The following CYP19A1 variants were observed in gnomAD, a reference collection of about 807,000 sequenced individuals.
CYP19A1 encodes the protein cytochrome P450 family 19 subfamily A member 1.
A neutral mutation model predicts 44.4 loss-of-function variants in CYP19A1; 32 were observed. The ratio of observed to expected loss-of-function variants is 0.72; its 90% CI spans 0.54 to 0.97. CYP19A1 has a LOEUF of 0.97. CYP19A1 is among the 50% of genes least tolerant of loss of function. The pLI is 0.00. For synonymous variants in CYP19A1, 212 were observed against 215.6 expected (o/e 0.98, Z 0.14); for missense variants, 598 against 637.8 (o/e 0.94, Z 0.67).
rs1356666512 is a variant in CYP19A1 at position 51,223,593 on chromosome 15, T to TCTCA, written c.452-1069_452-1068insTGAG. Reference sequence around the variant, plus strand: ...CTTGCTCTCTCTCTCTCTCTCTCTCTCACACACACACACACACACACACAC... The same window carrying TCTCA: ...CTTGCTCTCTCTCTCTCTCTCTCTCTCTCACACACACACACACACACACACACAC... On this transcript the variant is annotated intron_variant, in intron 4 of 9. Transcript: ENST00000396402. Among the ~76,000 whole-genome samples, 626 of 90,206 alleles carry TCTCA rather than the reference T, an allele frequency of 6.9e-3. 12 individuals are homozygous for TCTCA. Among genetic ancestry groups the TCTCA allele is most frequent in the South Asian group, 0.034 (60 of 1,772 alleles). The allele number at this position is 90,206 out of a possible 152,430, so 59.2% of individuals were successfully genotyped here.
intron 1 of CYP19A1, among the ~76,000 whole-genome samples, chr15:51,261,216 C>T (rs1038152585): frequency 2.0e-5 from 3 of 152,170 alleles, no homozygotes; most frequent in Admixed American, 1.3e-4. Context: ...TAACACTCAC[C>T]GCATGGCCCA....
At chr15:51,314,384 C>T (rs1305810339) in intron 1 of CYP19A1, among the ~76,000 whole-genome samples, 1 of 152,162 alleles carries the variant, frequency 6.6e-6, no homozygotes, top group Non-Finnish European at 1.5e-5. Context: ...TGTGGAGTCT[C>T]AGGCATGTTG....
chr15:51,224,017 T>C (rs893264298), intron 4 of CYP19A1, among the ~76,000 whole-genome samples: 18 of 152,324 alleles, frequency 1.2e-4, no homozygotes, highest in Admixed American at 3.9e-4. Flanking sequence ...GTAGATATGA[T>C]TTAATTTTTA....
chr15:51,289,901 G>C (rs2035803700), intron 1 of CYP19A1, among the ~76,000 whole-genome samples: 1 of 152,164 alleles, frequency 6.6e-6, no homozygotes, highest in East Asian at 1.9e-4. Flanking sequence ...TCCCAGCAGA[G>C]GCTGGTGAGG....
At chr15:51,258,382 T>C (rs1378920821) in intron 1 of CYP19A1, among the ~76,000 whole-genome samples, 2 of 152,234 alleles carry the variant, frequency 1.3e-5, no homozygotes, top group East Asian at 1.9e-4. Context: ...TATGACTACA[T>C]TTGGCATTTG....
chr15:51,244,710 C>G (rs1348481438), intron 1 of CYP19A1, among the ~76,000 whole-genome samples: 2 of 152,056 alleles, frequency 1.3e-5, no homozygotes, highest in African/African-American at 4.8e-5. Context: ...GTGGTTGCAA[C>G]AAAAAGGATG....
chr15:51,219,937 C>T (rs987598947), intron 5 of CYP19A1, among the ~76,000 whole-genome samples: 2 of 152,194 alleles, frequency 1.3e-5, no homozygotes, highest in Admixed American at 6.5e-5. Flanking sequence ...AAAACTTCTT[C>T]AAGTGATTGT....
intron 1 of CYP19A1, among the ~76,000 whole-genome samples, chr15:51,304,053 G>A (rs371269360): frequency 6.6e-6 from 1 of 152,316 alleles, no homozygotes; most frequent in East Asian, 1.9e-4. Flanking sequence ...GATAAGACCA[G>A]GGAGAAAAAT....
intron 1 of CYP19A1, among the ~76,000 whole-genome samples, chr15:51,266,649 A>G (rs976364488): frequency 6.6e-6 from 1 of 152,254 alleles, no homozygotes; most frequent in East Asian, 1.9e-4. Flanking sequence ...TTTCCTAAAA[A>G]CAGCTCATCT....
At chr15:51,272,348 G>C (rs1342420807) in intron 1 of CYP19A1, among the ~76,000 whole-genome samples, 1 of 152,156 alleles carries the variant, frequency 6.6e-6, no homozygotes, top group Non-Finnish European at 1.5e-5. Flanking sequence ...GCTTCTTCAA[G>C]ACAAGGATCA....
chr15:51,325,033 ATAAT>A (rs2036585268), intron 1 of CYP19A1, among the ~76,000 whole-genome samples: 1 of 152,194 alleles, frequency 6.6e-6, no homozygotes, highest in Non-Finnish European at 1.5e-5. Context: ...GAAAAACAAA[ATAAT>A]TAAGAGAATT....
chr15:51,263,991 T>A (rs1027271142), intron 1 of CYP19A1, among the ~76,000 whole-genome samples: 3 of 152,070 alleles, frequency 2.0e-5, no homozygotes, highest in East Asian at 3.9e-4. Flanking sequence ...AACTGAGAGG[T>A]CAACAAAGGA....
intron 1 of CYP19A1, among the ~76,000 whole-genome samples, chr15:51,249,603 C>G (rs188472003): frequency 1.8e-4 from 28 of 152,054 alleles, no homozygotes; most frequent in African/African-American, 6.5e-4. Flanking sequence ...TTTCTAGACG[C>G]GGGAGGCAGT....
chr15:51,227,818 G>T lies in CYP19A1; in HGVS notation c.412C>A (p.Pro138Thr). The change falls in exon 4 of 10, where the codon CCA becomes ACA. Residue 138 changes from proline (P) to threonine (T), a missense_variant. By Grantham distance (38) the Pro-to-Thr change is conservative. Transcript: ENST00000396402. ...GGTCGAGTTGTTTTCCAGAGCTCTGGATTGTTGTTAAATATGATGCCTTTC... is the reference window on the plus strand; with the variant it reads ...GGTCGAGTTGTTTTCCAGAGCTCTGTATTGTTGTTAAATATGATGCCTTTC... Reference protein sequence around the residue: ...HEKGIIFNNNPELWKTTRPFF... With the variant: ...HEKGIIFNNNTELWKTTRPFF... 1 of 1,549,774 alleles carries T rather than the reference G, an allele frequency of 6.5e-7. No individual in the cohort carries two copies. Among genetic ancestry groups the T allele is most frequent in the Non-Finnish European group, 8.9e-7 (1 of 1,121,502 alleles).
intron 1 of CYP19A1, among the ~76,000 whole-genome samples, chr15:51,257,990 A>C (rs1420294241): frequency 6.6e-6 from 1 of 152,240 alleles, no homozygotes; most frequent in Non-Finnish European, 1.5e-5. Flanking sequence ...CCTTTTAGCC[A>C]ATAGTCTTAT....
At chr15:51,277,915 A>G (rs1004757999) in intron 1 of CYP19A1, 2 of 150,306 alleles carry the variant, frequency 1.3e-5, no homozygotes, top group African/African-American at 4.9e-5. Flanking sequence ...AAAAATGAAC[A>G]TATTTCAAAG....
At chr15:51,236,804 G>GA in intron 3 of CYP19A1, 55 bp downstream of exon 3, 2 of 1,608,246 alleles carry the variant, frequency 1.2e-6, no homozygotes, top group African/African-American at 1.3e-5. Context: ...GTCTTAAGTG[G>GA]AAAAAACTCC....
At chr15:51,294,447 G>A (rs374152199) in intron 1 of CYP19A1, among the ~76,000 whole-genome samples, 780 of 117,634 alleles carry the variant, frequency 6.6e-3, no homozygotes, top group Middle Eastern at 0.012. Flanking sequence ...CAACCGCCCC[G>A]TCTGAGAAGT....
chr15:51,226,733 C>T (rs2032616246), intron 4 of CYP19A1, among the ~76,000 whole-genome samples: 1 of 151,320 alleles, frequency 6.6e-6, no homozygotes, highest in Non-Finnish European at 1.5e-5. Flanking sequence ...ATAGTAATGT[C>T]AAGGGTTAGT....
Sources: allele counts gnomAD v4.1 joint callset (sites outside exome capture counted in the v4.1 genomes callset), GRCh38; gene constraint gnomAD v4.1.1; transcripts MANE v1.5; gene names NCBI Gene and HGNC (gene_info 2026-07-23, HGNC 2026-07-21).